The following CSMD1 variants were observed in gnomAD, a reference collection of about 807,000 sequenced individuals.
CSMD1 encodes the protein CUB and Sushi multiple domains 1.
In CSMD1, 213 loss-of-function variants were observed where a neutral mutation model predicts 417.5. The observed-to-expected ratio is 0.51, with a 90% CI of 0.46 to 0.57. The LOEUF is 0.57. CSMD1 is among the 20% of genes least tolerant of loss of function. The probability of loss-of-function intolerance (pLI) is 0.00; values close to 1 mark genes in which losing one functional copy is unlikely to be tolerated. For missense variants in CSMD1, 6,923 were observed against 4,529.7 expected (o/e 1.53, Z -15.17); for synonymous variants, 2,862 against 1,736.8 (o/e 1.65, Z -16.11).
intron 49 of CSMD1, among the ~76,000 whole-genome samples, chr8:3,080,210 C>G (rs1179687805): frequency 1.3e-5 from 2 of 152,194 alleles, no homozygotes; most frequent in African/African-American, 4.8e-5. Context: ...GCAGTGCACT[C>G]TGATGTGCCA....
At chr8:4,773,342 T>G (rs1796689866) in intron 1 of CSMD1, among the ~76,000 whole-genome samples, 1 of 152,164 alleles carries the variant, frequency 6.6e-6, no homozygotes, top group Non-Finnish European at 1.5e-5. Flanking sequence ...GCTCACTGAC[T>G]GGTGGCTTTT....
chr8:3,355,455 G>C (rs975383789), intron 21 of CSMD1, among the ~76,000 whole-genome samples: 1 of 152,122 alleles, frequency 6.6e-6, no homozygotes, highest in Admixed American at 6.5e-5. Context: ...TGTGCAGATG[G>C]AATTCTAAAT....
chr8:4,152,160 T>C (rs1349125009), intron 3 of CSMD1, among the ~76,000 whole-genome samples: 2 of 152,124 alleles, frequency 1.3e-5, no homozygotes, highest in Non-Finnish European at 2.9e-5. Flanking sequence ...AATTGGATAA[T>C]TTATAAAACT....
At chr8:3,571,797 C>G (rs1217625164) in intron 10 of CSMD1, among the ~76,000 whole-genome samples, 1 of 151,976 alleles carries the variant, frequency 6.6e-6, no homozygotes, top group Non-Finnish European at 1.5e-5. Context: ...GGTGTCTGCT[C>G]TGTTTCAGAC....
At chr8:4,459,712 G>A (rs1299904916) in intron 2 of CSMD1, among the ~76,000 whole-genome samples, 1 of 152,192 alleles carries the variant, frequency 6.6e-6, no homozygotes, top group African/African-American at 2.4e-5. Flanking sequence ...AGCAAGTTCA[G>A]AAATAATGAA....
chr8:4,136,460 G>A (rs146741253), intron 3 of CSMD1, among the ~76,000 whole-genome samples: 1 of 152,150 alleles, frequency 6.6e-6, no homozygotes, highest in Middle Eastern at 3.2e-3. Context: ...AAATGCCTCT[G>A]TGTGTTAGCA....
intron 5 of CSMD1, among the ~76,000 whole-genome samples, chr8:3,826,982 A>C (rs1802091650): frequency 6.6e-6 from 1 of 151,954 alleles, no homozygotes; most frequent in Non-Finnish European, 1.5e-5. Context: ...GAGTGTTGCT[A>C]TGTTGCCCAA....
intron 25 of CSMD1, among the ~76,000 whole-genome samples, chr8:3,289,279 A>T (rs1268310924): frequency 6.8e-6 from 1 of 147,284 alleles, no homozygotes; most frequent in Non-Finnish European, 1.5e-5. Context: ...TAGTGCCGCT[A>T]TAAACATACG....
intron 3 of CSMD1, among the ~76,000 whole-genome samples, chr8:4,054,188 C>A (rs949532633): frequency 1.3e-5 from 2 of 152,080 alleles, no homozygotes; most frequent in African/African-American, 4.8e-5. Flanking sequence ...ACAGAACGCA[C>A]GGCCATGAGA....
intron 2 of CSMD1, among the ~76,000 whole-genome samples, chr8:4,469,648 C>A (rs922077195): frequency 6.6e-5 from 10 of 152,074 alleles, no homozygotes; most frequent in African/African-American, 2.4e-4. Flanking sequence ...GCCAGTGTCT[C>A]CCCACCTCGT....
intron 3 of CSMD1, among the ~76,000 whole-genome samples, chr8:4,390,985 CAT>C (rs1803811045): frequency 6.6e-6 from 1 of 152,086 alleles, no homozygotes; most frequent in African/African-American, 2.4e-5. Context: ...AACTTTCTAC[CAT>C]ATGTGTGTTT....
intron 1 of CSMD1, among the ~76,000 whole-genome samples, chr8:4,731,840 T>C (rs1479546177): frequency 6.6e-6 from 1 of 152,194 alleles, no homozygotes; most frequent in Non-Finnish European, 1.5e-5. Flanking sequence ...ATTGTGTATA[T>C]TGTCTTCTCA....
intron 7 of CSMD1, among the ~76,000 whole-genome samples, chr8:3,673,391 G>C (rs1485623131): frequency 6.6e-6 from 1 of 152,182 alleles, no homozygotes; most frequent in African/African-American, 2.4e-5. Flanking sequence ...CAAGAATATG[G>C]AGATGAAAGT....
At chr8:4,644,859 T>C (rs116375063) in intron 1 of CSMD1, among the ~76,000 whole-genome samples, 1,933 of 152,326 alleles carry the variant, frequency 0.013, 34 homozygotes, top group African/African-American at 0.042. Context: ...ATTTCTAGAA[T>C]AGTGCCTGCT....
intron 3 of CSMD1, among the ~76,000 whole-genome samples, chr8:4,232,498 C>G (rs1801798894): frequency 3.9e-5 from 6 of 152,182 alleles, no homozygotes. Context: ...TGCGCCCAGC[C>G]ACACATGTCC....
chr8:4,442,212 CATG>C (rs532844127), intron 2 of CSMD1, among the ~76,000 whole-genome samples: 55 of 152,276 alleles, frequency 3.6e-4, no homozygotes, highest in African/African-American at 1.3e-3. Flanking sequence ...TTATAGCAGA[CATG>C]ATGTCATACA....
At chr8:4,369,022 C>T (rs533425585) in intron 3 of CSMD1, among the ~76,000 whole-genome samples, 1 of 152,004 alleles carries the variant, frequency 6.6e-6, no homozygotes, top group Non-Finnish European at 1.5e-5. Flanking sequence ...TTTCTAGTTC[C>T]TCTAGGTTTG....
chr8:4,587,779 T>C (rs1198718396), intron 2 of CSMD1, among the ~76,000 whole-genome samples: 1 of 152,188 alleles, frequency 6.6e-6, no homozygotes, highest in Non-Finnish European at 1.5e-5. Flanking sequence ...ACAAGCACTT[T>C]TCACATTATG....
chr8:3,900,783 T>G (rs1208278106), intron 5 of CSMD1, among the ~76,000 whole-genome samples: 1 of 152,198 alleles, frequency 6.6e-6, no homozygotes, highest in Non-Finnish European at 1.5e-5. Context: ...ACACTGTAGC[T>G]GGGTGACACA....
Sources: allele counts gnomAD v4.1 joint callset (sites outside exome capture counted in the v4.1 genomes callset), GRCh38; gene constraint gnomAD v4.1.1; transcripts MANE v1.5; gene names NCBI Gene and HGNC (gene_info 2026-07-23, HGNC 2026-07-21).